The following PAK3 variants were observed in gnomAD, a reference collection of about 807,000 sequenced individuals.
PAK3 encodes serine/threonine-protein kinase PAK 3.
In PAK3, 4 loss-of-function variants were observed where a neutral mutation model predicts 41.0. The ratio of observed to expected loss-of-function variants is 0.10; its 90% CI spans 0.05 to 0.22. The LOEUF is 0.22. Ranked by LOEUF, PAK3 falls within the 10% of genes least tolerant of loss-of-function variation. PAK3 has a pLI of 1.00. For missense variants in PAK3, 205 were observed against 409.9 expected (o/e 0.50, Z 4.32); for synonymous variants, 146 against 139.6 (o/e 1.05, Z -0.32).
chrX:111,043,293 CAAA>C (rs751253205), intron 1 of PAK3, among the ~76,000 whole-genome samples: 1 of 65,373 alleles, frequency 1.5e-5, no homozygotes. Context: ...GACCCTGTCT[CAAA>C]AAAAAAAAAA....
chrX:111,160,245 A>G (rs1411065636), intron 8 of PAK3, among the ~76,000 whole-genome samples: 1 of 111,809 alleles, frequency 8.9e-6, no homozygotes, highest in African/African-American at 3.2e-5. Context: ...TAGTAACCAC[A>G]TATTAAAATG....
intron 1 of PAK3, among the ~76,000 whole-genome samples, chrX:110,958,378 A>G (rs1185306867): frequency 9.0e-6 from 1 of 111,527 alleles, no homozygotes; most frequent in Non-Finnish European, 1.9e-5. Flanking sequence ...CCGCTATATA[A>G]AATGGAACTT....
At chrX:111,001,562 T>A (rs2091848964) in intron 1 of PAK3, among the ~76,000 whole-genome samples, 1 of 111,605 alleles carries the variant, frequency 9.0e-6, no homozygotes, top group South Asian at 3.8e-4. Flanking sequence ...GACTAATGAG[T>A]GGAAATGATG....
chrX:111,091,784 G>T (rs2092931396), upstream of PAK3, among the ~76,000 whole-genome samples: 1 of 112,269 alleles, frequency 8.9e-6, no homozygotes, highest in South Asian at 3.7e-4. Context: ...GTTGTAGTGA[G>T]CGGCCCTGAG....
At chrX:111,014,811 G>C (rs2092064138) in intron 1 of PAK3, among the ~76,000 whole-genome samples, 1 of 111,471 alleles carries the variant, frequency 9.0e-6, no homozygotes, top group Non-Finnish European at 1.9e-5. Flanking sequence ...CGGCTTCCTT[G>C]TTCCGCAGGG....
intron 4 of PAK3, among the ~76,000 whole-genome samples, chrX:111,106,813 T>C (rs1340663139): frequency 1.8e-5 from 2 of 111,804 alleles, no homozygotes; most frequent in Non-Finnish European, 3.8e-5. Context: ...AGAGGAAAAA[T>C]GTTGGTCTCA....
At chrX:111,107,936 C>A (rs1003482132) in intron 4 of PAK3, among the ~76,000 whole-genome samples, 14 of 112,114 alleles carry the variant, frequency 1.2e-4, no homozygotes, top group Middle Eastern at 4.6e-3. Context: ...GTGGCATTAC[C>A]AGCTCAGATT....
chrX:111,120,003 TAAAAC>T (rs987740382), intron 4 of PAK3, among the ~76,000 whole-genome samples: 1 of 112,523 alleles, frequency 8.9e-6, no homozygotes, highest in Non-Finnish European at 1.9e-5. Context: ...TCAAGATAAT[TAAAAC>T]AAAACCATAT....
chrX:111,206,405 G>A (rs1481545310), intron 16 of PAK3, among the ~76,000 whole-genome samples: 1 of 111,589 alleles, frequency 9.0e-6, no homozygotes, highest in Non-Finnish European at 1.9e-5. Context: ...TTCTTAGCAA[G>A]CATTATTAGT....
At chrX:111,112,045 A>G (rs1170802110) in intron 4 of PAK3, among the ~76,000 whole-genome samples, 1 of 111,503 alleles carries the variant, frequency 9.0e-6, no homozygotes, top group Non-Finnish European at 1.9e-5. Flanking sequence ...CTGACTCCAT[A>G]GGAAAAACCT....
At chrX:111,075,703 G>A (rs1262421744) in intron 1 of PAK3, among the ~76,000 whole-genome samples, 1 of 112,539 alleles carries the variant, frequency 8.9e-6, no homozygotes, top group Admixed American at 9.3e-5. Context: ...GGAGCTGTAG[G>A]AAGGGGGTTG....
chrX:110,957,506 A>G (rs1183437585), intron 1 of PAK3, among the ~76,000 whole-genome samples: 7 of 112,114 alleles, frequency 6.2e-5, no homozygotes, highest in Non-Finnish European at 1.1e-4. Context: ...GGGTTGCATG[A>G]CCCAAGAGGA....
intron 17 of PAK3, chrX:111,217,682 A>AT (rs1439874500): frequency 2.9e-5 from 20 of 701,263 alleles, no homozygotes; most frequent in Non-Finnish European, 3.4e-5. Context: ...ACAGGTTATC[A>AT]TAGGGCCCTA....
At chrX:111,111,257 C>T (rs1350006174) in intron 4 of PAK3, among the ~76,000 whole-genome samples, 4 of 112,245 alleles carry the variant, frequency 3.6e-5, no homozygotes, top group African/African-American at 1.3e-4. Flanking sequence ...TACAGTTTTT[C>T]CACCACATGT....
chrX:111,129,156 C>A (rs2093686418), intron 5 of PAK3, among the ~76,000 whole-genome samples: 1 of 111,716 alleles, frequency 9.0e-6, no homozygotes. Flanking sequence ...ATGCATATTA[C>A]TAACTTTCAT....
At chrX:111,076,258 C>T (rs2092784874) in intron 1 of PAK3, among the ~76,000 whole-genome samples, 2 of 111,355 alleles carry the variant, frequency 1.8e-5, no homozygotes, top group South Asian at 7.7e-4. Flanking sequence ...TTTGGATATT[C>T]GTCCCCTCCA....
intron 1 of PAK3, among the ~76,000 whole-genome samples, chrX:110,964,881 TGCTGGCTG>T (rs1481241999): frequency 9.0e-6 from 1 of 111,128 alleles, no homozygotes; most frequent in Non-Finnish European, 1.9e-5. Flanking sequence ...CTGGCTGGCT[TGCTGGCTG>T]GCTGGCTGGC....
At chrX:111,182,183 T>C (rs1291956124) in intron 11 of PAK3, among the ~76,000 whole-genome samples, 1 of 111,115 alleles carries the variant, frequency 9.0e-6, no homozygotes, top group Non-Finnish European at 1.9e-5. Context: ...TTGAATCCAA[T>C]GGCACACACT....
chrX:111,102,655 C>T (rs1014430322), intron 3 of PAK3, among the ~76,000 whole-genome samples: 1 of 112,601 alleles, frequency 8.9e-6, no homozygotes, highest in Non-Finnish European at 1.9e-5. Context: ...TGGCCATTGT[C>T]TCTCAGTTTC....
Sources: allele counts gnomAD v4.1 joint callset (sites outside exome capture counted in the v4.1 genomes callset), GRCh38; gene constraint gnomAD v4.1.1; transcripts MANE v1.5; gene names NCBI Gene and HGNC (gene_info 2026-07-23, HGNC 2026-07-21).